PCDHGB3: variants seen among roughly 807,000 people sequenced by gnomAD.
PCDHGB3 encodes protocadherin gamma-B3.
A neutral mutation model predicts 59.2 loss-of-function variants in PCDHGB3; 40 were observed. That is an observed-to-expected ratio of 0.68 (90% CI 0.52 to 0.88). The LOEUF (loss-of-function observed/expected upper bound fraction) is 0.88. Among genes scored for constraint, PCDHGB3 ranks in the 40% least tolerant of loss-of-function variants. The pLI is 0.00. For synonymous variants in PCDHGB3, 581 were observed against 503.6 expected, an observed-to-expected ratio of 1.15 and a Z score of -2.06; for missense variants, 1,309 against 1,187.9, an observed-to-expected ratio of 1.10 and a Z score of -1.50.
rs117623972 is a variant in PCDHGB3 at position 141,503,322 on chromosome 5, C to T, written c.2475-2071C>T. On this transcript the variant is annotated intron_variant, in intron 2 of 3. Transcript: ENST00000576222. Reference sequence around the variant, plus strand: ...GCTCAAGAAAGAATTGTTGGAGGGGCGCGGTGGCTCACGCCTGTAATTCCA... The same window carrying T: ...GCTCAAGAAAGAATTGTTGGAGGGGTGCGGTGGCTCACGCCTGTAATTCCA... Among the ~76,000 whole-genome samples, 216 of 152,126 alleles carry T rather than the reference C, an allele frequency of 1.4e-3. 8 individuals carry two copies. In the East Asian group the frequency reaches 0.038, roughly 27 times the overall value.
At chr5:141,388,360 A>T in intron 1 of PCDHGB3, 4 of 1,613,996 alleles carry the variant, frequency 2.5e-6, no homozygotes, top group Non-Finnish European at 3.4e-6. Flanking sequence ...TCTGCCCATG[A>T]TGCGGATATT....
rs375537017 is a variant in PCDHGB3 at position 141,419,439 on chromosome 5, C to T, written c.2415+46630C>T. 22 of 1,613,154 alleles carry T rather than the reference C, an allele frequency of 1.4e-5. No individual in the cohort carries two copies. Among genetic ancestry groups the T allele is most frequent in the Non-Finnish European group, 1.7e-5 (20 of 1,179,788 alleles). On this transcript the variant is annotated intron_variant, in intron 1 of 3. Transcript: ENST00000576222. ...GCCTTCGACCACGAGCAGCTGCGCACCTTCGAGCTCACGCTGCAGGCCCGC... is the reference window on the plus strand; with the variant it reads ...GCCTTCGACCACGAGCAGCTGCGCATCTTCGAGCTCACGCTGCAGGCCCGC...
At chr5:141,409,330 C>T (rs920851409) in intron 1 of PCDHGB3, 1 of 1,613,836 alleles carries the variant, frequency 6.2e-7, no homozygotes, top group African/African-American at 1.3e-5. Flanking sequence ...ATCTGGATTT[C>T]GGAGGAAATG....
Position 141,477,626 on chromosome 5 carries a change from G to C in PCDHGB3, c.2416-17181G>C. The C allele has an allele frequency of 1.2e-6, 2 of 1,614,170 alleles. No homozygotes were observed. Among genetic ancestry groups the C allele is most frequent in the Non-Finnish European group, 1.7e-6 (2 of 1,180,036 alleles). ...TCTCTTGGAGCAAGGAGCTGAAACCGGGCTAGTGGGTCGCTATTTCACAAT... is the reference window on the plus strand; with the variant it reads ...TCTCTTGGAGCAAGGAGCTGAAACCCGGCTAGTGGGTCGCTATTTCACAAT... On this transcript the variant is annotated intron_variant, in intron 1 of 3. Transcript: ENST00000576222. The surrounding 1 kb of genome is among the most constrained non-coding windows in gnomAD (Gnocchi z 4.9).
intron 1 of PCDHGB3, chr5:141,433,179 T>C (rs760574214): frequency 1.2e-5 from 20 of 1,608,614 alleles, no homozygotes; most frequent in Admixed American, 1.7e-5. Flanking sequence ...CATGGGTTAA[T>C]TGAGGTGAGT....
chr5:141,491,794 TCCGG>T lies in PCDHGB3; in HGVS notation c.2416-3007_2416-3004del. The T allele has an allele frequency of 6.6e-7, 1 of 1,511,056 alleles. No homozygotes were observed. The highest frequency in any genetic ancestry group is 8.8e-7 in the Non-Finnish European group (1 of 1,130,146). 93.6% of individuals were successfully genotyped at this position (1,511,056 alleles called of 1,614,324 possible). A position where few individuals can be genotyped will look rare whatever the true frequency, so the allele number is the denominator to read the frequency against. Reference sequence around the variant, plus strand: ...GGGATTGAACTTGCATCCACTCCTCTCCGGCCGGCTTGGTCGCTGGCTGCGCTCC... The same window carrying T: ...GGGATTGAACTTGCATCCACTCCTCTCCGGCTTGGTCGCTGGCTGCGCTCC... On this transcript the variant is annotated intron_variant, in intron 1 of 3. Transcript: ENST00000576222. The surrounding 1 kb of genome is among the most constrained non-coding windows in gnomAD (Gnocchi z 6.9).
chr5:141,375,843 T>C (rs762152746), intron 1 of PCDHGB3: 1 of 1,614,046 alleles, frequency 6.2e-7, no homozygotes, highest in Admixed American at 1.7e-5. Context: ...CCCGGCTACC[T>C]GGTGACCAAG....
intron 1 of PCDHGB3, among the ~76,000 whole-genome samples, chr5:141,456,736 G>A (rs1339661302): frequency 1.3e-5 from 2 of 151,924 alleles, no homozygotes; most frequent in Non-Finnish European, 2.9e-5. Context: ...AGGCTGAGGC[G>A]GGAGCATCAT....
intron 1 of PCDHGB3, among the ~76,000 whole-genome samples, chr5:141,447,276 A>G (rs2098532917): frequency 6.6e-6 from 1 of 151,994 alleles, no homozygotes; most frequent in South Asian, 2.1e-4. Flanking sequence ...AGTAGCTGGG[A>G]CTACAGGCAC....
At chr5:141,385,330 C>A (rs1183163204) in intron 1 of PCDHGB3, 1 of 1,583,780 alleles carries the variant, frequency 6.3e-7, no homozygotes, top group East Asian at 2.2e-5. Flanking sequence ...TCAGGTGAGC[C>A]CAGCCCTTCC....
At chr5:141,483,273 T>G (rs6860615) in intron 1 of PCDHGB3, among the ~76,000 whole-genome samples, 62,442 of 151,936 alleles carry the variant, frequency 0.41, 15,417 homozygotes, top group African/African-American at 0.7. Flanking sequence ...GTTTTAGAAA[T>G]ATTATTCTGT....
At chr5:141,385,309 C>G (rs774342510) in intron 1 of PCDHGB3, 1 of 1,612,276 alleles carries the variant, frequency 6.2e-7, no homozygotes, top group South Asian at 1.1e-5. Flanking sequence ...TAAAGAAAAC[C>G]TGCCAAGTAT....
At chr5:141,498,793 T>C (rs2154592354) in intron 2 of PCDHGB3, among the ~76,000 whole-genome samples, 1 of 152,028 alleles carries the variant, frequency 6.6e-6, no homozygotes, top group Non-Finnish European at 1.5e-5. Context: ...ATTAGCCAGG[T>C]GTGGTGGTGC....
At chr5:141,421,119 C>A (rs542039688) in intron 1 of PCDHGB3, 2 of 772,768 alleles carry the variant, frequency 2.6e-6, no homozygotes, top group South Asian at 1.9e-5. Flanking sequence ...TATTTTCCTT[C>A]GCTTTCTGAT....
At chr5:141,417,702 A>G (rs2096149298) in intron 1 of PCDHGB3, 2 of 1,199,336 alleles carry the variant, frequency 1.7e-6, no homozygotes, top group Non-Finnish European at 1.1e-6. Context: ...CAGCTCCCAC[A>G]CAGAGGCTCC....
chr5:141,394,644 G>A, intron 1 of PCDHGB3: 2 of 1,613,358 alleles, frequency 1.2e-6, no homozygotes, highest in Non-Finnish European at 1.7e-6. Flanking sequence ...CCTGCTCAAG[G>A]CCAGCGAGCC....
At chr5:141,375,718 C>T in intron 1 of PCDHGB3, 2 of 1,614,270 alleles carry the variant, frequency 1.2e-6, no homozygotes, top group African/African-American at 1.3e-5. Context: ...TTAGCAGCAA[C>T]GTGTCACTGA....
intron 3 of PCDHGB3, among the ~76,000 whole-genome samples, chr5:141,509,751 A>T (rs1430265981): frequency 6.6e-6 from 1 of 151,998 alleles, no homozygotes; most frequent in Admixed American, 6.5e-5. Flanking sequence ...CCTGTGCCTA[A>T]AGTGTCCCTG....
At chr5:141,383,386 G>A in intron 1 of PCDHGB3, 1 of 1,614,000 alleles carries the variant, frequency 6.2e-7, no homozygotes. Context: ...TCCAGATGTG[G>A]GCACGAACTC....
Sources: gnomAD v4.1 joint callset for allele counts (sites outside exome capture counted in the v4.1 genomes callset) on GRCh38, gnomAD v4.1.1 for gene constraint, Gnocchi (gnomAD v3.1) non-coding constraint, MANE v1.5 for transcripts, NCBI Gene and HGNC (gene_info 2026-07-23, HGNC 2026-07-21) for gene names.